Variants in ASIC2 observed in about 807,000 individuals in gnomAD.
ASIC2 encodes acid-sensing ion channel 2.
ASIC2 carries 25 observed loss-of-function variants against 57.3 expected under a neutral mutation model. That is an observed-to-expected ratio of 0.44 (90% CI 0.32 to 0.61). The LOEUF (loss-of-function observed/expected upper bound fraction) is 0.61, where lower values mean the gene tolerates loss of function less well. Ranked by LOEUF, ASIC2 falls within the 20% of genes least tolerant of loss-of-function variation. ASIC2 has a pLI of 0.06. For synonymous variants in ASIC2, 319 were observed against 307.5 expected, an observed-to-expected ratio of 1.04 and a Z score of -0.39; for missense variants, 641 against 738.1, an observed-to-expected ratio of 0.87 and a Z score of 1.52.
intron 1 of ASIC2, among the ~76,000 whole-genome samples, chr17:33,877,137 G>A (rs1342088511): frequency 6.6e-6 from 1 of 152,156 alleles, no homozygotes; most frequent in Non-Finnish European, 1.5e-5. Flanking sequence ...GTCTGATGAG[G>A]TGGTGGAGCC....
At chr17:33,627,671 G>A (rs1906030523) in intron 1 of ASIC2, among the ~76,000 whole-genome samples, 1 of 152,232 alleles carries the variant, frequency 6.6e-6, no homozygotes, top group Admixed American at 6.5e-5. Context: ...ACAGACACAA[G>A]CCAATTAGCT....
chr17:33,240,471 G>A (rs1177352712), intron 1 of ASIC2, among the ~76,000 whole-genome samples: 1 of 152,214 alleles, frequency 6.6e-6, no homozygotes, highest in Non-Finnish European at 1.5e-5. Flanking sequence ...GCCTGCCAGA[G>A]AGATGGGAGA....
At chr17:33,156,720 C>T (rs922223295) in intron 1 of ASIC2, among the ~76,000 whole-genome samples, 16 of 152,026 alleles carry the variant, frequency 1.1e-4, no homozygotes, top group African/African-American at 3.9e-4. Context: ...TGTGACACTG[C>T]ACTCCAGCCT....
intron 1 of ASIC2, among the ~76,000 whole-genome samples, chr17:33,141,694 A>G (rs1267900736): frequency 6.6e-6 from 1 of 152,204 alleles, no homozygotes; most frequent in Non-Finnish European, 1.5e-5. Context: ...CAGCAGATAT[A>G]ATTCCCATTA....
At chr17:33,241,837 A>G (rs1908517553) in intron 1 of ASIC2, among the ~76,000 whole-genome samples, 1 of 152,220 alleles carries the variant, frequency 6.6e-6, no homozygotes, top group South Asian at 2.1e-4. Flanking sequence ...CCAAGCCACA[A>G]GATGCACCTG....
intron 1 of ASIC2, among the ~76,000 whole-genome samples, chr17:34,142,010 T>C (rs1912285336): frequency 6.6e-6 from 1 of 152,180 alleles, no homozygotes; most frequent in African/African-American, 2.4e-5. Flanking sequence ...ATTTTGTTAA[T>C]AGCCACTTAA....
intron 1 of ASIC2, among the ~76,000 whole-genome samples, chr17:33,660,235 A>G (rs1907215569): frequency 6.6e-6 from 1 of 152,314 alleles, no homozygotes; most frequent in East Asian, 1.9e-4. Flanking sequence ...TGTAGACTCT[A>G]TAAACACTGT....
At chr17:33,017,773 A>AT in intron 7 of ASIC2, 89 bp from the exon 8 acceptor site, 1 of 1,244,220 alleles carries the variant, frequency 8.0e-7, no homozygotes, top group South Asian at 1.3e-5. Context: ...GACCTTCTGA[A>AT]TGGCGCCCCC....
At chr17:33,524,541 A>G (rs1457949688) in intron 1 of ASIC2, among the ~76,000 whole-genome samples, 3 of 151,936 alleles carry the variant, frequency 2.0e-5, no homozygotes, top group African/African-American at 7.3e-5. Context: ...TGAAGTGTAG[A>G]CTCATTCGGA....
chr17:33,251,323 CATCTT>C (rs1367353742), intron 1 of ASIC2, among the ~76,000 whole-genome samples: 6 of 151,966 alleles, frequency 3.9e-5, no homozygotes, highest in African/African-American at 9.7e-5. Context: ...GATCAGCTAC[CATCTT>C]ATCTTATTTA....
chr17:33,298,269 C>T (rs1190130625), upstream of ASIC2, among the ~76,000 whole-genome samples: 2 of 151,938 alleles, frequency 1.3e-5, no homozygotes, highest in Non-Finnish European at 2.9e-5. Context: ...TCCCCACTTC[C>T]CCCACCCCAC....
At chr17:33,730,152 C>T (rs1310324783) in intron 1 of ASIC2, among the ~76,000 whole-genome samples, 1 of 152,112 alleles carries the variant, frequency 6.6e-6, no homozygotes, top group East Asian at 1.9e-4. Context: ...GTATAGTTTA[C>T]CTGTGAATGG....
At chr17:33,040,867 G>A (rs112436672) in intron 3 of ASIC2, among the ~76,000 whole-genome samples, 19 of 152,266 alleles carry the variant, frequency 1.2e-4, no homozygotes, top group East Asian at 1.9e-4. Flanking sequence ...GTGGGGGTGC[G>A]CCCTGGGCTG....
chr17:34,140,245 T>C (rs1207402941), intron 1 of ASIC2, among the ~76,000 whole-genome samples: 1 of 152,030 alleles, frequency 6.6e-6, no homozygotes, highest in Admixed American at 6.6e-5. Context: ...GTAAATAACC[T>C]GAGGGTAACA....
intron 1 of ASIC2, among the ~76,000 whole-genome samples, chr17:33,268,341 T>TCATCCATCCATC (rs35123270): frequency 2.0e-5 from 3 of 147,812 alleles, no homozygotes; most frequent in East Asian, 2.0e-4. Flanking sequence ...CATCTTTCCA[T>TCATCCATCCATC]CATCCATCCA....
intron 1 of ASIC2, among the ~76,000 whole-genome samples, chr17:33,732,210 G>A (rs997719738): frequency 2.0e-5 from 3 of 152,218 alleles, no homozygotes. Context: ...AAGTGTGGAA[G>A]CAAGCTGAAC....
In ASIC2 at chr17:33,154,053, C is replaced by G. The variant is rs114165750; in HGVS notation, c.709-41986G>C. 4.9e-3 allele frequency among the ~76,000 whole-genome samples: 748 copies of G among 152,292 alleles called. 6 individuals carry two copies. Among genetic ancestry groups the G allele is most frequent in the African/African-American group, 0.017 (712 of 41,566 alleles). On this transcript the variant is annotated intron_variant, in intron 1 of 9. Transcript: ENST00000225823. The stretch of plus-strand genomic sequence containing the variant: ...TGCAGACTGAACTCTACCTCAGGGT[C>G]TGCTTCCTGGGAACTAGGGTGACCA...
chr17:33,865,857 T>G (rs912402126), intron 1 of ASIC2, among the ~76,000 whole-genome samples: 1 of 151,422 alleles, frequency 6.6e-6, no homozygotes, highest in Non-Finnish European at 1.5e-5. Flanking sequence ...GAATAATATA[T>G]AGACTTTTAC....
At chr17:34,081,441 T>C (rs1909879188) in intron 1 of ASIC2, among the ~76,000 whole-genome samples, 1 of 152,098 alleles carries the variant, frequency 6.6e-6, no homozygotes, top group Non-Finnish European at 1.5e-5. Context: ...CATCTCCTCC[T>C]TGGTTCTACA....
Sources: gnomAD v4.1 joint callset for allele counts (sites outside exome capture counted in the v4.1 genomes callset) on GRCh38, gnomAD v4.1.1 for gene constraint, MANE v1.5 for transcripts, NCBI Gene and HGNC (gene_info 2026-07-23, HGNC 2026-07-21) for gene names.